Variants in TOX observed in about 807,000 individuals in gnomAD.
The protein encoded by TOX is thymocyte selection-associated high mobility group box protein TOX.
Under a neutral mutation model 53.7 loss-of-function variants are expected in TOX, and 11 were observed. The ratio of observed to expected loss-of-function variants is 0.20; its 90% confidence interval spans 0.13 to 0.34. The LOEUF (loss-of-function observed/expected upper bound fraction) is 0.34. TOX is among the 10% of genes least tolerant of loss of function. TOX has a pLI of 1.00. For synonymous variants in TOX, 225 were observed against 245.3 expected (o/e 0.92, Z 0.77); for missense variants, 570 against 664.6 (o/e 0.86, Z 1.56).
chr8:58,809,098 A>T (rs1245301029), intron 7 of TOX, among the ~76,000 whole-genome samples: 1 of 152,218 alleles, frequency 6.6e-6, no homozygotes, highest in Non-Finnish European at 1.5e-5. Context: ...ATTCTATACT[A>T]AGATTTATTT....
At chr8:59,010,914 T>C (rs1813893507) in intron 1 of TOX, among the ~76,000 whole-genome samples, 1 of 152,208 alleles carries the variant, frequency 6.6e-6, no homozygotes, top group Non-Finnish European at 1.5e-5. Context: ...CCGGTATGTG[T>C]GCCTATCTGC....
At position 58,871,104 on chromosome 8, in the gene TOX, G is replaced by A. The variant is rs148201801; in HGVS notation, c.412-19299C>T. On this transcript the variant is annotated intron_variant, in intron 3 of 8. Coordinates refer to ENST00000361421, the MANE Select transcript of TOX (RefSeq NM_014729.3). ...ACATTATTCAGTGATAAAAAGAAAT[G>A]AGCCACCAAGCCATGAAAAGACATG... Among the ~76,000 whole-genome samples the A allele has an allele frequency of 8.1e-5, 12 of 147,260 alleles. No homozygotes were observed. The East Asian group carries it at 2.4e-3, about 30-fold the overall frequency.
At chr8:58,893,615 C>T (rs1042260038) in intron 3 of TOX, among the ~76,000 whole-genome samples, 4 of 152,184 alleles carry the variant, frequency 2.6e-5, no homozygotes, top group African/African-American at 9.7e-5. Flanking sequence ...TAACAAAACA[C>T]ATCAGCACCT....
At chr8:58,842,086 G>A (rs1810654275) in intron 4 of TOX, among the ~76,000 whole-genome samples, 1 of 152,132 alleles carries the variant, frequency 6.6e-6, no homozygotes, top group Non-Finnish European at 1.5e-5. Flanking sequence ...AATAGTTTTT[G>A]TGATGGTTAA....
chr8:58,983,924 G>C (rs75564055), intron 1 of TOX, among the ~76,000 whole-genome samples: 6,352 of 152,250 alleles, frequency 0.042, 353 homozygotes, highest in African/African-American at 0.12. Flanking sequence ...TGAATGACTT[G>C]GTTTATTCCA....
chr8:58,882,691 C>A (rs563771630), intron 3 of TOX, among the ~76,000 whole-genome samples: 38 of 152,150 alleles, frequency 2.5e-4, no homozygotes, highest in Non-Finnish European at 4.9e-4. Context: ...GACCTTTTAA[C>A]AATAGACAAA....
chr8:58,882,708 T>C (rs1811403989), intron 3 of TOX, among the ~76,000 whole-genome samples: 1 of 152,242 alleles, frequency 6.6e-6, no homozygotes, highest in African/African-American at 2.4e-5. Flanking sequence ...CAAACTGGAA[T>C]GGTTTGCTGT....
At chr8:58,998,588 A>ATATGTAATAAATT (rs1485110519) in intron 1 of TOX, among the ~76,000 whole-genome samples, 1 of 132,518 alleles carries the variant, frequency 7.5e-6, no homozygotes, top group Non-Finnish European at 1.6e-5. Flanking sequence ...TAATAAATTT[A>ATATGTAATAAATT]TATGTAATAA....
At chr8:58,863,980 AT>A (rs11419799) in intron 3 of TOX, among the ~76,000 whole-genome samples, 6 of 150,974 alleles carry the variant, frequency 4.0e-5, no homozygotes, top group Non-Finnish European at 7.4e-5. Context: ...AGAATTAAGA[AT>A]TTTTTTTTTA....
chr8:59,062,296 A>G (rs2129422022), intron 1 of TOX, among the ~76,000 whole-genome samples: 1 of 152,350 alleles, frequency 6.6e-6, no homozygotes. Flanking sequence ...ACTCCTTAAA[A>G]GAAGCTGGAA....
chr8:59,041,496 ACATT>A (rs748526107), intron 1 of TOX, among the ~76,000 whole-genome samples: 14 of 152,218 alleles, frequency 9.2e-5, no homozygotes, highest in East Asian at 7.7e-4. Context: ...TCCTCACAGC[ACATT>A]CATTCATTCA....
intron 1 of TOX, among the ~76,000 whole-genome samples, chr8:59,034,320 A>T (rs1300118635): frequency 6.6e-6 from 1 of 152,224 alleles, no homozygotes; most frequent in East Asian, 1.9e-4. Flanking sequence ...TACTACACAA[A>T]CTGCTACCCA....
intron 3 of TOX, among the ~76,000 whole-genome samples, chr8:58,901,319 A>G (rs1563383903): frequency 6.6e-6 from 1 of 152,192 alleles, no homozygotes; most frequent in Non-Finnish European, 1.5e-5. Context: ...GAGAAAATTC[A>G]TTTTATCAAC....
intron 3 of TOX, among the ~76,000 whole-genome samples, chr8:58,868,889 C>T (rs1218830220): frequency 1.3e-5 from 2 of 149,582 alleles, no homozygotes; most frequent in African/African-American, 4.9e-5. Context: ...TCAACCAAGC[C>T]AAAAGCTGGT....
chr8:58,884,293 C>T (rs551761782), intron 3 of TOX, among the ~76,000 whole-genome samples: 36 of 152,184 alleles, frequency 2.4e-4, no homozygotes, highest in Admixed American at 5.9e-4. Context: ...TTTACATATG[C>T]ATTGATTTTT....
chr8:59,080,873 A>G (rs1804394742), intron 1 of TOX, among the ~76,000 whole-genome samples: 1 of 152,274 alleles, frequency 6.6e-6, no homozygotes. Context: ...CTTTTCTTAT[A>G]AATTACCCAG....
intron 1 of TOX, among the ~76,000 whole-genome samples, chr8:59,018,559 C>A (rs953063438): frequency 6.6e-6 from 1 of 152,038 alleles, no homozygotes; most frequent in African/African-American, 2.4e-5. Context: ...GCAAGATTTC[C>A]CAGGGGTTCC....
intron 1 of TOX, among the ~76,000 whole-genome samples, chr8:59,080,418 G>A (rs186697400): frequency 8.5e-5 from 13 of 152,176 alleles, no homozygotes; most frequent in East Asian, 7.7e-4. Flanking sequence ...CCCTTGTCTC[G>A]ATGGGATTTT....
At chr8:58,846,192 G>GT in intron 4 of TOX, among the ~76,000 whole-genome samples, 1 of 152,018 alleles carries the variant, frequency 6.6e-6, no homozygotes, top group African/African-American at 2.4e-5. Context: ...TCCTGAACTA[G>GT]TTTATTAGGC....
Sources: allele counts gnomAD v4.1 joint callset (sites outside exome capture counted in the v4.1 genomes callset), GRCh38; gene constraint gnomAD v4.1.1; transcripts MANE v1.5; gene names NCBI Gene and HGNC (gene_info 2026-07-23, HGNC 2026-07-21).